Variants in MERTK observed in about 807,000 individuals in gnomAD.
The protein encoded by MERTK is tyrosine-protein kinase Mer.
In MERTK, 69 loss-of-function variants were observed where a neutral mutation model predicts 99.3. That is an observed-to-expected ratio of 0.70 (90% CI 0.57 to 0.85). MERTK has a LOEUF of 0.85. Among genes scored for constraint, MERTK ranks in the 40% least tolerant of loss-of-function variants. The pLI, the probability that MERTK is intolerant of heterozygous loss-of-function variation, is 0.00. For missense variants in MERTK, 1,125 were observed against 1,249.4 expected, an observed-to-expected ratio of 0.90 and a Z score of 1.50; for synonymous variants, 426 against 467.6, an observed-to-expected ratio of 0.91 and a Z score of 1.15.
intron 4 of MERTK, 30 bp from the exon 5 acceptor site, chr2:111,965,161 G>T: frequency 6.3e-7 from 1 of 1,595,084 alleles, no homozygotes; most frequent in African/African-American, 1.3e-5. Flanking sequence ...TTTCTCTGCT[G>T]CTGGTCTCAT....
At chr2:111,943,577 C>T (rs948886444) in intron 2 of MERTK, among the ~76,000 whole-genome samples, 2 of 152,146 alleles carry the variant, frequency 1.3e-5, no homozygotes, top group African/African-American at 2.4e-5. Context: ...AACATGTAAA[C>T]ACCGGGCATG....
At chr2:111,962,495 C>T (rs1483213898) in intron 4 of MERTK, among the ~76,000 whole-genome samples, 3 of 151,810 alleles carry the variant, frequency 2.0e-5, no homozygotes, top group Non-Finnish European at 2.9e-5. Flanking sequence ...GAGTGAGTCT[C>T]GACCTCAAGA....
chr2:112,006,812 G>A lies in MERTK; in HGVS notation c.1868-1571G>A, dbSNP rs559077314. 2.8e-4 allele frequency among the ~76,000 whole-genome samples: 43 copies of A among 152,256 alleles called. 1 individual carries two copies. Among genetic ancestry groups the A allele is most frequent in the African/African-American group, 9.9e-4 (41 of 41,520 alleles). ...TGGTTGTTTGCAGCAAAAGGAATAG[G>A]TGAGGGCAAATTTTTGCAGATGTAT... On this transcript the variant is annotated intron_variant, in intron 13 of 18. Coordinates refer to ENST00000295408, the MANE Select transcript of MERTK (RefSeq NM_006343.3).
chr2:111,910,540 G>A (rs1465301245), intron 1 of MERTK, among the ~76,000 whole-genome samples: 1 of 151,472 alleles, frequency 6.6e-6, no homozygotes, highest in African/African-American at 2.4e-5. Context: ...AAAGTTCTGG[G>A]ATTACAGGCA....
chr2:112,019,338 C>CT (rs1400800200), intron 15 of MERTK, 75 bp from the exon 16 acceptor site: 2 of 1,059,738 alleles, frequency 1.9e-6, no homozygotes, highest in East Asian at 2.4e-5. Context: ...GCATCCTTTC[C>CT]CCCCCCGGCA....
intron 15 of MERTK, among the ~76,000 whole-genome samples, chr2:112,016,816 G>A (rs539642143): frequency 2.6e-5 from 4 of 152,366 alleles, no homozygotes; most frequent in Admixed American, 6.5e-5. Context: ...CTGACTGGGT[G>A]TGGTGGCTCA....
intron 4 of MERTK, among the ~76,000 whole-genome samples, chr2:111,948,434 A>G (rs1684998178): frequency 6.6e-6 from 1 of 152,138 alleles, no homozygotes; most frequent in Admixed American, 6.5e-5. Context: ...CACCATCTAT[A>G]AGAAATGACC....
intron 4 of MERTK, among the ~76,000 whole-genome samples, chr2:111,960,347 G>T (rs907338048): frequency 6.6e-6 from 1 of 151,966 alleles, no homozygotes; most frequent in Non-Finnish European, 1.5e-5. Flanking sequence ...CGGGCGTGGT[G>T]GTGCATGCCT....
In MERTK at chr2:111,994,382, GA is replaced by G; in HGVS notation, c.1432del (p.Ile478TyrfsTer9). The G allele has an allele frequency of 6.2e-7, 1 of 1,614,170 alleles. No homozygotes were observed. Among genetic ancestry groups the G allele is most frequent in the Non-Finnish European group, 8.5e-7 (1 of 1,180,040 alleles). ...GAGTTGGGCCCTTCAGTGATCCAGT[GA>G]AAATATTTATCCCTGCACACGGTGA... is the stretch of plus-strand genomic sequence containing the variant. ...GGVGPFSDPV[K>X]IFIPAHGWVD... On this transcript the variant is annotated frameshift_variant, in exon 9 of 19. Transcript: ENST00000295408. LOFTEE classifies it high-confidence loss of function.
At chr2:111,951,641 C>A (rs1328722012) in intron 4 of MERTK, among the ~76,000 whole-genome samples, 1 of 149,596 alleles carries the variant, frequency 6.7e-6, no homozygotes, top group Non-Finnish European at 1.5e-5. Flanking sequence ...GAATATGGGA[C>A]CACAGATACC....
chr2:111,956,961 T>A (rs1272302629), intron 4 of MERTK, among the ~76,000 whole-genome samples: 1 of 150,436 alleles, frequency 6.6e-6, no homozygotes, highest in African/African-American at 2.4e-5. Flanking sequence ...TTTTTTTTTT[T>A]ATGTCACCCA....
chr2:111,947,083 G>A (rs909369015), intron 3 of MERTK, among the ~76,000 whole-genome samples: 3 of 152,170 alleles, frequency 2.0e-5, no homozygotes, highest in Non-Finnish European at 2.9e-5. Context: ...GGCCAGCCTG[G>A]CCAACATGGT....
chr2:111,966,696 T>C (rs1573606738), intron 5 of MERTK, among the ~76,000 whole-genome samples: 1 of 152,210 alleles, frequency 6.6e-6, no homozygotes, highest in East Asian at 1.9e-4. Context: ...GTGTAATTAC[T>C]ATGGTATATG....
chr2:111,961,610 G>A (rs900619497), intron 4 of MERTK, among the ~76,000 whole-genome samples: 1 of 152,060 alleles, frequency 6.6e-6, no homozygotes, highest in African/African-American at 2.4e-5. Flanking sequence ...GAAATGAAAG[G>A]TTACCACCGA....
chr2:111,925,442 C>T (rs1684545358), intron 1 of MERTK, among the ~76,000 whole-genome samples: 1 of 150,656 alleles, frequency 6.6e-6, no homozygotes, highest in African/African-American at 2.4e-5. Context: ...GCTGGGATTA[C>T]AGGCACCCAC....
At chr2:111,969,463 T>C (rs1025451177) in intron 6 of MERTK, among the ~76,000 whole-genome samples, 1 of 152,196 alleles carries the variant, frequency 6.6e-6, no homozygotes. Context: ...TTACTAAATA[T>C]CTGGTCTCAT....
chr2:111,963,495 C>G (rs1456075034), intron 4 of MERTK, among the ~76,000 whole-genome samples: 1 of 152,222 alleles, frequency 6.6e-6, no homozygotes, highest in Non-Finnish European at 1.5e-5. Flanking sequence ...CTTTCCTAGG[C>G]AGAGGTCCCT....
intron 6 of MERTK, among the ~76,000 whole-genome samples, chr2:111,973,916 G>A (rs916427832): frequency 2.0e-5 from 3 of 149,630 alleles, no homozygotes; most frequent in Non-Finnish European, 4.4e-5. Flanking sequence ...GAAAGATAAG[G>A]CAGTATGTTT....
At chr2:111,931,464 G>T (rs1684669492) in intron 2 of MERTK, among the ~76,000 whole-genome samples, 1 of 152,174 alleles carries the variant, frequency 6.6e-6, no homozygotes, top group Admixed American at 6.5e-5. Context: ...GAGGCAGGCG[G>T]ATCACGAGGT....
Sources: gnomAD v4.1 joint callset for allele counts (sites outside exome capture counted in the v4.1 genomes callset) on GRCh38, gnomAD v4.1.1 for gene constraint, MANE v1.5 for transcripts, NCBI Gene and HGNC (gene_info 2026-07-23, HGNC 2026-07-21) for gene names.